KCNN3: variants seen among roughly 807,000 people sequenced by gnomAD.
KCNN3 encodes the protein small conductance calcium-activated potassium channel protein 3.
KCNN3 carries 16 observed loss-of-function variants against 62.9 expected under a neutral mutation model. The ratio of observed to expected loss-of-function variants is 0.25; its 90% confidence interval spans 0.17 to 0.39. The LOEUF (loss-of-function observed/expected upper bound fraction) is 0.39. Ranked by LOEUF, KCNN3 falls within the 10% of genes least tolerant of loss-of-function variation. The probability of loss-of-function intolerance (pLI) is 1.00; values close to 1 mark genes in which losing one functional copy is unlikely to be tolerated. For missense variants in KCNN3, 599 were observed against 949.4 expected, an observed-to-expected ratio of 0.63 and a Z score of 4.85; for synonymous variants, 370 against 389.2, an observed-to-expected ratio of 0.95 and a Z score of 0.58.
intron 2 of KCNN3, among the ~76,000 whole-genome samples, chr1:154,796,629 T>TGATTCAACC (rs1245024466): frequency 6.6e-6 from 1 of 152,236 alleles, no homozygotes. Context: ...AGACAAGTCA[T>TGATTCAACC]GATTCAACCG....
chr1:154,715,959 G>T (rs1700226715), intron 5 of KCNN3, among the ~76,000 whole-genome samples: 1 of 152,168 alleles, frequency 6.6e-6, no homozygotes, highest in African/African-American at 2.4e-5. Context: ...CATTTGCACT[G>T]CAATTGTACA....
At chr1:154,820,377 C>T (rs1650840294) in intron 2 of KCNN3, among the ~76,000 whole-genome samples, 2 of 152,208 alleles carry the variant, frequency 1.3e-5, no homozygotes. Context: ...GAGAACAGCT[C>T]CTCTTCTTCC....
intron 2 of KCNN3, among the ~76,000 whole-genome samples, chr1:154,813,857 C>T (rs1387309937): frequency 6.6e-6 from 1 of 152,244 alleles, no homozygotes; most frequent in African/African-American, 2.4e-5. Context: ...CCAGGGAGAG[C>T]AGCCGGGGGC....
At chr1:154,865,408 G>A (rs1332828035) in intron 1 of KCNN3, among the ~76,000 whole-genome samples, 20 of 151,652 alleles carry the variant, frequency 1.3e-4, no homozygotes, top group Admixed American at 1.3e-3. Context: ...ACCTTTAGGA[G>A]CCCACTGGGG....
chr1:154,712,975 C>T (rs534615797), intron 7 of KCNN3, among the ~76,000 whole-genome samples: 32 of 152,300 alleles, frequency 2.1e-4, no homozygotes, highest in Admixed American at 1.0e-3. Context: ...CCCCCACACA[C>T]ACCACTGCCG....
intron 2 of KCNN3, among the ~76,000 whole-genome samples, chr1:154,818,643 C>T (rs913266663): frequency 2.6e-5 from 4 of 152,182 alleles, no homozygotes; most frequent in African/African-American, 7.2e-5. Context: ...GATGCAGCAA[C>T]GTAGCGCCGT....
chr1:154,825,397 GCT>G (rs752666315), intron 1 of KCNN3, among the ~76,000 whole-genome samples: 88 of 125,148 alleles, frequency 7.0e-4, no homozygotes, highest in South Asian at 1.5e-3. Context: ...ACAGAGTCTT[GCT>G]CTGTCTCCCA....
At chr1:154,767,585 C>T (rs974908777) in intron 3 of KCNN3, among the ~76,000 whole-genome samples, 4 of 152,220 alleles carry the variant, frequency 2.6e-5, no homozygotes, top group Non-Finnish European at 4.4e-5. Flanking sequence ...AACCTGCTGC[C>T]GCAGTGAGGA....
Position 154,806,557 on chromosome 1 carries a change from A to G in KCNN3, c.1029+15532T>C, listed in dbSNP as rs956116096. Among the ~76,000 whole-genome samples the G allele has an allele frequency of 5.3e-5, 8 of 152,308 alleles. No individual in the cohort carries two copies. In the East Asian group the frequency reaches 1.5e-3, roughly 29 times the overall value. ...CTGAGATTAGAACTCTTGATTCTAAATCTAGAATCTTCCATGTCATACCAT... is the reference window on the plus strand; with the variant it reads ...CTGAGATTAGAACTCTTGATTCTAAGTCTAGAATCTTCCATGTCATACCAT... On this transcript the variant is annotated intron_variant, in intron 2 of 7. Transcript: ENST00000271915.
intron 3 of KCNN3, among the ~76,000 whole-genome samples, chr1:154,755,311 T>A (rs1647586908): frequency 6.6e-6 from 1 of 151,170 alleles, no homozygotes; most frequent in Non-Finnish European, 1.5e-5. Context: ...CGCCAAAAAA[T>A]TTTTGTATTT....
At chr1:154,839,429 C>G (rs1651734549) in intron 1 of KCNN3, among the ~76,000 whole-genome samples, 1 of 152,326 alleles carries the variant, frequency 6.6e-6, no homozygotes, top group South Asian at 2.1e-4. Flanking sequence ...AAAATACAAA[C>G]AAGATACGAC....
intron 1 of KCNN3, among the ~76,000 whole-genome samples, chr1:154,855,845 G>T (rs1356354394): frequency 1.3e-5 from 2 of 152,216 alleles, no homozygotes; most frequent in Non-Finnish European, 2.9e-5. Context: ...TATGGTAGGT[G>T]CTTGACAGAT....
Position 154,822,135 on chromosome 1 carries a change from A to T in KCNN3, c.983T>A (p.Ile328Asn). Reference sequence around the variant, plus strand: ...GGCGATGATCAAGCCCAAAAGGATGATGGTGGACAGACTGATAAGGCATTT... The same window carrying T: ...GGCGATGATCAAGCCCAAAAGGATGTTGGTGGACAGACTGATAAGGCATTT... ...ALKCLISLST[I>N]ILLGLIIAYH... The change falls in exon 2 of 8, where the codon ATC becomes AAC. Residue 328 changes from isoleucine (I) to asparagine (N), a missense_variant. Physicochemically the swap from Ile to Asn is moderately radical, Grantham distance 149. This residue lies in a region of KCNN3 where 288 missense variants were observed against 557.4 expected (regional missense o/e 0.52). Transcript: ENST00000271915. 1.2e-6 allele frequency: 2 copies of T among 1,614,198 alleles called. No homozygotes were observed. The highest frequency in any genetic ancestry group is 1.7e-6 in the Non-Finnish European group (2 of 1,180,000).
chr1:154,722,180 A>G (rs750716965), intron 5 of KCNN3, among the ~76,000 whole-genome samples: 23 of 152,166 alleles, frequency 1.5e-4, no homozygotes, highest in Non-Finnish European at 2.5e-4. Flanking sequence ...AGTATTTTCT[A>G]TGATTAATAG....
intron 3 of KCNN3, among the ~76,000 whole-genome samples, chr1:154,766,416 T>TTATATA (rs373253800): frequency 0.11 from 8,022 of 71,838 alleles, 1,236 homozygotes; most frequent in East Asian, 0.25. Flanking sequence ...TAGCCAGGCT[T>TTATATA]TATATATATA....
intron 2 of KCNN3, 79 bp downstream of exon 2, chr1:154,822,010 T>A: frequency 3.9e-6 from 4 of 1,034,690 alleles, no homozygotes; most frequent in Non-Finnish European, 6.1e-6. Flanking sequence ...GAGTGGGTTT[T>A]GGGGGTGGGG....
In KCNN3 at chr1:154,870,058, C is replaced by A; in HGVS notation, c.-94G>T. ...CCTCAAAGAAAGCCAGGCATCCAAT[C>A]TCCCCCACCAGTATCTTGGCTCCAG... On this transcript the variant is annotated 5_prime_UTR_variant, in exon 1 of 8. Transcript: ENST00000271915. The A allele has an allele frequency of 7.1e-7, 1 of 1,400,736 alleles. No individual in the cohort carries two copies. The highest frequency in any genetic ancestry group is 9.9e-7 in the Non-Finnish European group (1 of 1,009,048). The allele number at this position is 1,400,736 out of a possible 1,614,324, so 86.8% of individuals were successfully genotyped here.
intron 1 of KCNN3, among the ~76,000 whole-genome samples, chr1:154,849,610 T>C (rs1652226697): frequency 6.6e-6 from 1 of 152,198 alleles, no homozygotes; most frequent in African/African-American, 2.4e-5. Flanking sequence ...GAGTCAGGAC[T>C]TGAATTCAGG....
At chr1:154,845,001 G>A (rs776242094) in intron 1 of KCNN3, among the ~76,000 whole-genome samples, 4 of 50,870 alleles carry the variant, frequency 7.9e-5, no homozygotes, top group Non-Finnish European at 2.1e-4. Flanking sequence ...GCCAGACCCC[G>A]TCTCAAAAAA....
Sources: allele counts gnomAD v4.1 joint callset (sites outside exome capture counted in the v4.1 genomes callset), GRCh38; gene constraint gnomAD v4.1.1; regional missense constraint gnomAD v4.1.1; transcripts MANE v1.5; gene names NCBI Gene and HGNC (gene_info 2026-07-23, HGNC 2026-07-21).